The following KLHL1 variants were observed in gnomAD, a reference collection of about 807,000 sequenced individuals.
The protein encoded by KLHL1 is kelch-like protein 1.
A neutral mutation model predicts 77.7 loss-of-function variants in KLHL1; 47 were observed. That is an observed-to-expected ratio of 0.60 (90% CI 0.48 to 0.77). KLHL1 has a LOEUF of 0.77. Ranked by LOEUF, KLHL1 falls within the 30% of genes least tolerant of loss-of-function variation. KLHL1 has a pLI of 0.00. For missense variants in KLHL1, 925 were observed against 910.8 expected (o/e 1.02, Z -0.20); for synonymous variants, 360 against 325.2 (o/e 1.11, Z -1.15).
Position 69,868,683 on chromosome 13 carries a change from C to T in KLHL1, c.1227+13600G>A, listed in dbSNP as rs114614300. Reference sequence around the variant, plus strand: ...CATGATGATAGCTTATATTTCAACACGTGTTAAATGTTAGGACATAAATGT... The same window carrying T: ...CATGATGATAGCTTATATTTCAACATGTGTTAAATGTTAGGACATAAATGT... On this transcript the variant is annotated intron_variant, in intron 5 of 10. Coordinates refer to ENST00000377844, the MANE Select transcript of KLHL1 (RefSeq NM_020866.3). 5.8e-3 allele frequency among the ~76,000 whole-genome samples: 876 copies of T among 152,016 alleles called. 8 individuals are homozygous for T. Among genetic ancestry groups the T allele is most frequent in the African/African-American group, 0.02 (844 of 41,482 alleles).
At chr13:69,918,513 CT>C (rs879739772) in intron 4 of KLHL1, among the ~76,000 whole-genome samples, 1,574 of 144,872 alleles carry the variant, frequency 0.011, 14 homozygotes, top group African/African-American at 0.033. Flanking sequence ...AGAGTAAATG[CT>C]TTTTTTTTTT....
chr13:70,107,256 G>C lies in KLHL1; in HGVS notation c.444C>G (p.Leu148=). The change falls in exon 1 of 11, where the codon CTC becomes CTG. Residue 148 remains leucine (L), a synonymous_variant. Transcript: ENST00000377844. The part of the protein sequence containing the change: ...PHEKGLVLQE[L]KVEPDNSSQA... ...GGCTAGAGTTGTCTGGCTCCACTTT[G>C]AGCTCTTGCAGAACCAGCCCTTTTT... is the stretch of plus-strand genomic sequence containing the variant. 1 of 1,614,020 alleles carries C rather than the reference G, an allele frequency of 6.2e-7. No homozygotes were observed.
chr13:69,770,532 T>C (rs1875514442), intron 7 of KLHL1, among the ~76,000 whole-genome samples: 1 of 152,212 alleles, frequency 6.6e-6, no homozygotes, highest in Non-Finnish European at 1.5e-5. Flanking sequence ...AAAAATGAAG[T>C]CTTACTATGT....
chr13:69,848,703 A>G (rs1879568097), intron 5 of KLHL1, among the ~76,000 whole-genome samples: 1 of 151,558 alleles, frequency 6.6e-6, no homozygotes, highest in African/African-American at 2.4e-5. Context: ...CTCCTCAAGC[A>G]TTTGAGGAAA....
intron 2 of KLHL1, among the ~76,000 whole-genome samples, chr13:69,974,012 T>C (rs1456704152): frequency 6.6e-6 from 1 of 152,070 alleles, no homozygotes; most frequent in South Asian, 2.1e-4. Flanking sequence ...ATGAAAACTT[T>C]CCCCTGGTCT....
intron 1 of KLHL1, among the ~76,000 whole-genome samples, chr13:69,994,179 G>T (rs182222943): frequency 1.8e-4 from 28 of 152,116 alleles, no homozygotes; most frequent in East Asian, 7.7e-4. Context: ...GAAGAATCAG[G>T]CCCCAAATCT....
intron 5 of KLHL1, among the ~76,000 whole-genome samples, chr13:69,861,785 T>TA (rs34408474): frequency 0.12 from 10,614 of 85,910 alleles, 798 homozygotes; most frequent in Non-Finnish European, 0.17. Flanking sequence ...CCGTCTCTAC[T>TA]AAAAAAAAAA....
chr13:70,023,756 T>C (rs1593682211), intron 1 of KLHL1, among the ~76,000 whole-genome samples: 1 of 151,954 alleles, frequency 6.6e-6, no homozygotes, highest in Non-Finnish European at 1.5e-5. Flanking sequence ...GGTTGTTTTC[T>C]AGCTTTCTAG....
At chr13:69,790,038 A>G (rs776797261) in intron 7 of KLHL1, among the ~76,000 whole-genome samples, 1 of 151,938 alleles carries the variant, frequency 6.6e-6, no homozygotes, top group Non-Finnish European at 1.5e-5. Flanking sequence ...TTTAACTATC[A>G]AGCTTCTCTT....
intron 10 of KLHL1, among the ~76,000 whole-genome samples, chr13:69,706,529 A>G (rs1875635795): frequency 6.6e-6 from 1 of 151,988 alleles, no homozygotes; most frequent in South Asian, 2.1e-4. Context: ...TTCTTTAGAT[A>G]AATTGTAGTC....
At chr13:69,815,425 C>T (rs1193685917) in intron 6 of KLHL1, among the ~76,000 whole-genome samples, 3 of 152,140 alleles carry the variant, frequency 2.0e-5, no homozygotes, top group Admixed American at 6.6e-5. Flanking sequence ...CAGCTGTAGG[C>T]CATTATCCTA....
intron 6 of KLHL1, among the ~76,000 whole-genome samples, chr13:69,801,338 A>G (rs998816770): frequency 1.3e-5 from 2 of 152,212 alleles, no homozygotes; most frequent in African/African-American, 4.8e-5. Flanking sequence ...TCTCCAAACA[A>G]TAAACATATA....
chr13:69,870,315 A>G (rs1880530118), intron 5 of KLHL1, among the ~76,000 whole-genome samples: 1 of 152,108 alleles, frequency 6.6e-6, no homozygotes, highest in African/African-American at 2.4e-5. Flanking sequence ...CCAGAGAACT[A>G]ATAGAGCAAT....
chr13:70,084,131 T>A (rs1017137012), intron 1 of KLHL1, among the ~76,000 whole-genome samples: 1 of 152,184 alleles, frequency 6.6e-6, no homozygotes, highest in Non-Finnish European at 1.5e-5. Context: ...CAACATTGTA[T>A]GGCACTTCAT....
At chr13:69,803,381 T>C (rs17728354) in intron 6 of KLHL1, among the ~76,000 whole-genome samples, 37,097 of 152,114 alleles carry the variant, frequency 0.24, 4,595 homozygotes, top group South Asian at 0.31. Flanking sequence ...AATATTAACC[T>C]GGCTCTAGAG....
intron 1 of KLHL1, among the ~76,000 whole-genome samples, chr13:70,018,024 C>T (rs1885701277): frequency 6.7e-6 from 1 of 150,240 alleles, no homozygotes; most frequent in African/African-American, 2.5e-5. Flanking sequence ...TGTTAATTTT[C>T]TCCTCCAAGA....
intron 6 of KLHL1, among the ~76,000 whole-genome samples, chr13:69,806,744 C>A (rs1389724396): frequency 6.6e-6 from 1 of 152,116 alleles, no homozygotes; most frequent in Non-Finnish European, 1.5e-5. Flanking sequence ...GAAAGGCAAC[C>A]CACACAGAAA....
At chr13:70,057,468 T>TAA (rs1886768718) in intron 1 of KLHL1, among the ~76,000 whole-genome samples, 1 of 21,920 alleles carries the variant, frequency 4.6e-5, no homozygotes, top group South Asian at 2.1e-3. Context: ...CAAAGACACA[T>TAA]CAAAAAAAAA....
intron 8 of KLHL1, among the ~76,000 whole-genome samples, chr13:69,734,464 T>C (rs1873684035): frequency 6.6e-6 from 1 of 150,526 alleles, no homozygotes; most frequent in South Asian, 2.1e-4. Flanking sequence ...CAAGAACTAT[T>C]AATACTATAA....
Sources: allele counts gnomAD v4.1 joint callset (sites outside exome capture counted in the v4.1 genomes callset), GRCh38; gene constraint gnomAD v4.1.1; transcripts MANE v1.5; gene names NCBI Gene and HGNC (gene_info 2026-07-23, HGNC 2026-07-21).